DNMT3A: variants seen among roughly 807,000 people sequenced by gnomAD.
The protein encoded by DNMT3A is DNA methyltransferase 3 alpha, also known as DNA (cytosine-5)-methyltransferase 3A.
Under a neutral mutation model 117.6 loss-of-function variants are expected in DNMT3A, and 267 were observed. That is an observed-to-expected ratio of 2.27 (90% confidence interval 2.05 to 2.51). DNMT3A has a LOEUF of 2.51. DNMT3A is among the 30% of genes most tolerant of loss of function. The pLI, the probability that DNMT3A is intolerant of heterozygous loss-of-function variation, is 0.00. For missense variants in DNMT3A, 1,029 were observed against 1,260.2 expected (o/e 0.82, Z 2.78); for synonymous variants, 432 against 474.8 (o/e 0.91, Z 1.17).
chr2:25,257,812 G>A lies in DNMT3A; in HGVS notation c.640-9560C>T, dbSNP rs1174284304. On this transcript the variant is annotated intron_variant, in intron 6 of 22. Coordinates refer to ENST00000321117, the MANE Select transcript of DNMT3A (RefSeq NM_022552.5). The surrounding 1 kb of genome is among the most constrained non-coding windows in gnomAD (Gnocchi z 4.8). ...CCAGGAATCTATTAAAACCTCCCTGGGTAATTCTAATACTAGCCAGGTGTG... is the reference window on the plus strand; with the variant it reads ...CCAGGAATCTATTAAAACCTCCCTGAGTAATTCTAATACTAGCCAGGTGTG... Among the ~76,000 whole-genome samples, 1 of 152,176 alleles carries A rather than the reference G, an allele frequency of 6.6e-6. No individual in the cohort carries two copies. The highest frequency in any genetic ancestry group is 2.4e-5 in the African/African-American group (1 of 41,444).
rs1208137500 is a variant in DNMT3A, at chr2:25,304,649, C to G, written c.73-4406G>C. Among the ~76,000 whole-genome samples, 7 of 152,348 alleles carry G rather than the reference C, an allele frequency of 4.6e-5. No individual in the cohort carries two copies. In the South Asian group the frequency reaches 1.0e-3, roughly 23 times the overall value. On this transcript the variant is annotated intron_variant, in intron 2 of 22. Coordinates refer to ENST00000321117, the MANE Select transcript of DNMT3A (RefSeq NM_022552.5). The surrounding 1 kb of genome is among the most constrained non-coding windows in gnomAD (Gnocchi z 4.3). ...CCTTTGCCACGGGGGTTCCCGGGGGCCAGGAGGATCCAGCCAAGCTCCTCA... is the reference window on the plus strand; with the variant it reads ...CCTTTGCCACGGGGGTTCCCGGGGGGCAGGAGGATCCAGCCAAGCTCCTCA...
At chr2:25,340,978 G>A (rs1399153272) in intron 1 of DNMT3A, among the ~76,000 whole-genome samples, 3 of 145,014 alleles carry the variant, frequency 2.1e-5, no homozygotes, top group Non-Finnish European at 4.6e-5. Context: ...AGCCGGGCAC[G>A]ACCACCCCTC....
In DNMT3A at chr2:25,246,288, T is replaced by TCTTTG; in HGVS notation, c.1296_1300dup (p.Glu434AlafsTer219). The stretch of plus-strand genomic sequence containing the variant: ...TTCCACCCACATGTCCGTGTACACT[T>TCTTTG]CTTTGTAGGGATTCTTCTCTTCTGG... On this transcript the variant is annotated frameshift_variant, in exon 11 of 23. Coordinates refer to ENST00000321117, the MANE Select transcript of DNMT3A (RefSeq NM_022552.5). LOFTEE classifies it high-confidence loss of function. The TCTTTG allele has an allele frequency of 6.2e-7, 1 of 1,610,420 alleles. No individual in the cohort carries two copies. The highest frequency in any genetic ancestry group is 8.5e-7 in the Non-Finnish European group (1 of 1,178,320).
intron 22 of DNMT3A, 127 bp downstream of exon 22, chr2:25,235,573 AATGCTTG>A: frequency 2.9e-6 from 2 of 697,270 alleles, no homozygotes; most frequent in Non-Finnish European, 5.0e-6. Flanking sequence ...CATGTTGGGA[AATGCTTG>A]ATAAAACCCA....
intron 20 of DNMT3A, among the ~76,000 whole-genome samples, chr2:25,238,080 T>G (rs1388344917): frequency 1.3e-5 from 2 of 152,220 alleles, no homozygotes; most frequent in African/African-American, 4.8e-5. Context: ...GAGTTTAGTA[T>G]TTTAGAGTTG....
chr2:25,317,355 C>T (rs1244342514), intron 1 of DNMT3A, among the ~76,000 whole-genome samples: 1 of 151,970 alleles, frequency 6.6e-6, no homozygotes, highest in Non-Finnish European at 1.5e-5. Flanking sequence ...AGCCACCACA[C>T]CTGGCCAAAA....
rs550563187 is a variant in DNMT3A, at chr2:25,339,032, C to T, written c.-178+2794G>A. Among the ~76,000 whole-genome samples, 1 of 152,194 alleles carries T rather than the reference C, an allele frequency of 6.6e-6. No homozygotes were observed. The highest frequency in any genetic ancestry group is 1.5e-5 in the Non-Finnish European group (1 of 68,016). On this transcript the variant is annotated intron_variant, in intron 1 of 22. Transcript: ENST00000321117. The surrounding 1 kb of genome is among the most constrained non-coding windows in gnomAD (Gnocchi z 4.9). ...TCTGCAGAGTCGGACGTGACCAACC[C>T]GTCTCTTGCAGGGACCCTCCTCACA...
intron 6 of DNMT3A, among the ~76,000 whole-genome samples, chr2:25,274,184 A>G (rs1008348075): frequency 6.6e-6 from 1 of 152,180 alleles, no homozygotes; most frequent in African/African-American, 2.4e-5. Flanking sequence ...TGTTCAGGCC[A>G]GACCCCTGTG....
rs138234768 is a variant in DNMT3A at position 25,239,968 on chromosome 2, T to C, written c.2322+334A>G. ...TCTTGCTCAGGGAAAACTGATTTTGTCCTCTCAAAGATCCTGGTGTGTAAC... is the reference window on the plus strand; with the variant it reads ...TCTTGCTCAGGGAAAACTGATTTTGCCCTCTCAAAGATCCTGGTGTGTAAC... On this transcript the variant is annotated intron_variant, in intron 19 of 22. Transcript: ENST00000321117. Among the ~76,000 whole-genome samples the C allele has an allele frequency of 2.1e-3, 314 of 152,284 alleles. 5 individuals carry two copies. The South Asian group carries it at 0.03, about 15-fold the overall frequency.
chr2:25,324,900 A>G (rs867253094), intron 1 of DNMT3A, among the ~76,000 whole-genome samples: 1 of 152,334 alleles, frequency 6.6e-6, no homozygotes, highest in Middle Eastern at 3.4e-3. Flanking sequence ...ACAGGCCAGC[A>G]GTCCTGCCCT....
chr2:25,231,439 G>A lies in DNMT3A; in HGVS notation c.*2840C>T, dbSNP rs1446499415. Reference sequence around the variant, plus strand: ...GAGGAGACAGTAGATTGGGGTCCAGGACCAAGCACCCCAAAAAGGGGTGAG... The same window carrying A: ...GAGGAGACAGTAGATTGGGGTCCAGAACCAAGCACCCCAAAAAGGGGTGAG... On this transcript the variant is annotated 3_prime_UTR_variant, in exon 23 of 23. Coordinates refer to ENST00000321117, the MANE Select transcript of DNMT3A (RefSeq NM_022552.5). 6.6e-6 allele frequency: 1 copy of A among 152,196 alleles called. No homozygotes were observed. The highest frequency in any genetic ancestry group is 2.4e-5 in the African/African-American group (1 of 41,438). 9.4% of individuals were successfully genotyped at this position (152,196 alleles called of 1,614,324 possible). A position where few individuals can be genotyped will look rare whatever the true frequency, so the allele number is the denominator to read the frequency against.
At chr2:25,313,402 C>T (rs942491475) in intron 2 of DNMT3A, among the ~76,000 whole-genome samples, 2 of 152,134 alleles carry the variant, frequency 1.3e-5, no homozygotes, top group Admixed American at 6.5e-5. Flanking sequence ...AGTGTGCTGG[C>T]GCCACACTGA....
At chr2:25,297,470 C>A (rs1285236993) in intron 3 of DNMT3A, among the ~76,000 whole-genome samples, 1 of 151,284 alleles carries the variant, frequency 6.6e-6, no homozygotes, top group Non-Finnish European at 1.5e-5. Context: ...CTGGGCCCTG[C>A]AGTGGAACAG....
chr2:25,270,675 G>T (rs2030799317), intron 6 of DNMT3A, among the ~76,000 whole-genome samples: 1 of 152,118 alleles, frequency 6.6e-6, no homozygotes, highest in African/African-American at 2.4e-5. Context: ...GAGGGTGGGG[G>T]GTGGAGATCT....
intron 1 of DNMT3A, among the ~76,000 whole-genome samples, chr2:25,330,864 A>T (rs2034991441): frequency 6.6e-6 from 1 of 152,242 alleles, no homozygotes; most frequent in South Asian, 2.1e-4. Context: ...ATGCTCTTCA[A>T]ATACACTGGG....
Position 25,246,320 on chromosome 2 carries a change from A to G in DNMT3A, c.1280-11T>C. The G allele has an allele frequency of 6.3e-7, 1 of 1,591,370 alleles. No individual in the cohort carries two copies. Among genetic ancestry groups the G allele is most frequent in the South Asian group, 1.1e-5 (1 of 87,898 alleles). On this transcript the variant is annotated splice_polypyrimidine_tract_variant and intron_variant, in intron 10 of 22. Coordinates refer to ENST00000321117, the MANE Select transcript of DNMT3A (RefSeq NM_022552.5). ...AGGGATTCTTCTCTTCTGGAGGAGG[A>G]AAGCAGGTGCCAAGGTCAGTTACAG...
At position 25,275,132 on chromosome 2, in the gene DNMT3A, C is replaced by T. The variant is rs760693286; in HGVS notation, c.493-45G>A. ...ATTAGGGCATTAGGGTGGGCACTGA[C>T]GGACCCACCAAGGAGGCACTCGCCT... On this transcript the variant is annotated intron_variant, in intron 5 of 22. Coordinates refer to ENST00000321117, the MANE Select transcript of DNMT3A (RefSeq NM_022552.5). 24 of 1,514,364 alleles carry T rather than the reference C, an allele frequency of 1.6e-5. No homozygotes were observed. The East Asian group carries it at 4.2e-4, about 26-fold the overall frequency. The allele number at this position is 1,514,364 out of a possible 1,614,324, so 93.8% of individuals were successfully genotyped here.
chr2:25,255,137 T>C (rs1422001865), intron 6 of DNMT3A, among the ~76,000 whole-genome samples: 3 of 152,172 alleles, frequency 2.0e-5, no homozygotes, highest in African/African-American at 7.2e-5. Context: ...ACTGAGTCGC[T>C]TAAACAGAGA....
intron 1 of DNMT3A, among the ~76,000 whole-genome samples, chr2:25,321,167 A>G (rs1012662900): frequency 6.6e-6 from 1 of 151,756 alleles, no homozygotes; most frequent in Non-Finnish European, 1.5e-5. Flanking sequence ...TCTGCAAGTC[A>G]GTAGTAAAAA....
Sources: allele counts gnomAD v4.1 joint callset (sites outside exome capture counted in the v4.1 genomes callset), GRCh38; gene constraint gnomAD v4.1.1; non-coding constraint Gnocchi (gnomAD v3.1); transcripts MANE v1.5; gene names NCBI Gene and HGNC (gene_info 2026-07-23, HGNC 2026-07-21).